KCNK2: variants seen among roughly 807,000 people sequenced by gnomAD.
The protein encoded by KCNK2 is potassium two pore domain channel subfamily K member 2.
A neutral mutation model predicts 40.5 loss-of-function variants in KCNK2; 21 were observed. The observed-to-expected ratio is 0.52, with a 90% CI of 0.37 to 0.75. The LOEUF is 0.75. Ranked by LOEUF, KCNK2 falls within the 30% of genes least tolerant of loss-of-function variation. The pLI is 0.00. For synonymous variants in KCNK2, 191 were observed against 202.2 expected, an observed-to-expected ratio of 0.94 and a Z score of 0.47; for missense variants, 399 against 531.6, an observed-to-expected ratio of 0.75 and a Z score of 2.45.
chr1:215,070,567 G>A (rs1658719123), intron 1 of KCNK2, among the ~76,000 whole-genome samples: 1 of 152,094 alleles, frequency 6.6e-6, no homozygotes, highest in South Asian at 2.1e-4. Context: ...AGCTTGTGCA[G>A]GGGAGCTCCC....
intron 6 of KCNK2, among the ~76,000 whole-genome samples, chr1:215,204,623 A>G (rs1342370559): frequency 6.6e-6 from 1 of 150,668 alleles, no homozygotes; most frequent in African/African-American, 2.4e-5. Context: ...TCTTCAGCAA[A>G]CCAAAGTATT....
chr1:215,039,677 C>T (rs571717888), intron 1 of KCNK2, among the ~76,000 whole-genome samples: 57 of 152,094 alleles, frequency 3.7e-4, no homozygotes, highest in Admixed American at 6.6e-4. Context: ...TTTTAATGGA[C>T]GATTTAAATA....
intron 3 of KCNK2, among the ~76,000 whole-genome samples, chr1:215,157,843 A>G (rs1049980757): frequency 6.6e-6 from 1 of 152,156 alleles, no homozygotes; most frequent in African/African-American, 2.4e-5. Flanking sequence ...TAGTGTCTGT[A>G]TTCATTGGTT....
chr1:215,190,533 G>A (rs1664624680), intron 5 of KCNK2, among the ~76,000 whole-genome samples: 1 of 152,074 alleles, frequency 6.6e-6, no homozygotes, highest in African/African-American at 2.4e-5. Context: ...CCCTTTCTTG[G>A]GTGGCCTGAC....
intron 6 of KCNK2, among the ~76,000 whole-genome samples, chr1:215,213,563 A>T (rs1166526561): frequency 6.6e-6 from 1 of 152,204 alleles, no homozygotes; most frequent in Non-Finnish European, 1.5e-5. Context: ...GTGAGCTGAG[A>T]TCATGCCATT....
intron 3 of KCNK2, among the ~76,000 whole-genome samples, chr1:215,150,468 C>T (rs12146036): frequency 0.082 from 12,403 of 151,984 alleles, 562 homozygotes; most frequent in Middle Eastern, 0.15. Flanking sequence ...TGTAATGATA[C>T]GTTTAAAAAT....
intron 6 of KCNK2, among the ~76,000 whole-genome samples, chr1:215,225,691 C>A (rs1047531581): frequency 6.6e-6 from 1 of 152,130 alleles, no homozygotes; most frequent in African/African-American, 2.4e-5. Context: ...ATGTTGGGTA[C>A]TTTTATGAGG....
chr1:215,074,883 T>G (rs771648347), intron 1 of KCNK2, among the ~76,000 whole-genome samples: 1 of 152,192 alleles, frequency 6.6e-6, no homozygotes, highest in Non-Finnish European at 1.5e-5. Context: ...CACAGCAGAA[T>G]TTCCTCCCGA....
At position 215,089,496 on chromosome 1, in the gene KCNK2, C is replaced by T. The variant is rs193004765; in HGVS notation, c.357+2818C>T. Among the ~76,000 whole-genome samples the T allele has an allele frequency of 1.8e-3, 276 of 152,260 alleles. 1 individual carries two copies. The highest frequency in any genetic ancestry group is 6.2e-3 in the African/African-American group (256 of 41,556). ...GTCTCAGGCATTAGGTTATTAATTA[C>T]TCCTCTGATTGGACTATAGCAACTT... On this transcript the variant is annotated intron_variant, in intron 2 of 6. Coordinates refer to ENST00000444842, the MANE Select transcript of KCNK2 (RefSeq NM_001017425.3).
At chr1:215,147,387 A>G (rs1159339784) in intron 3 of KCNK2, among the ~76,000 whole-genome samples, 1 of 152,240 alleles carries the variant, frequency 6.6e-6, no homozygotes, top group Admixed American at 6.5e-5. Flanking sequence ...GGAACAGTGT[A>G]CGATGTGTGA....
In KCNK2 at chr1:215,059,306, G is replaced by A. The variant is rs192689004; in HGVS notation, c.35-27062G>A. On this transcript the variant is annotated intron_variant, in intron 1 of 6. Coordinates refer to the KCNK2 transcript ENST00000391895. The stretch of plus-strand genomic sequence containing the variant: ...ATCTGAACCTAATTATTACTTTAGT[G>A]AACGCTGCTGAATTAATGATTTAAC... Among the ~76,000 whole-genome samples, 156 of 152,116 alleles carry A rather than the reference G, an allele frequency of 1.0e-3. 1 individual carries two copies. The highest frequency in any genetic ancestry group is 3.6e-3 in the African/African-American group (151 of 41,500).
At chr1:215,147,643 C>T (rs1662486443) in intron 3 of KCNK2, among the ~76,000 whole-genome samples, 1 of 152,028 alleles carries the variant, frequency 6.6e-6, no homozygotes, top group African/African-American at 2.4e-5. Context: ...ACCAGCCTGG[C>T]CAACATGGTG....
chr1:215,202,318 T>C (rs1665114007), intron 6 of KCNK2, among the ~76,000 whole-genome samples: 1 of 152,202 alleles, frequency 6.6e-6, no homozygotes, highest in Non-Finnish European at 1.5e-5. Context: ...CATCTGCTGG[T>C]CAATGTTGGC....
intron 3 of KCNK2, among the ~76,000 whole-genome samples, chr1:215,160,508 T>C (rs1425167091): frequency 6.6e-6 from 1 of 152,190 alleles, no homozygotes. Context: ...CACTGCTCCA[T>C]GGAAATGACC....
rs147436365 is a variant in KCNK2 at position 215,044,747 on chromosome 1, T to C, written c.34+38792T>C. On this transcript the variant is annotated intron_variant, in intron 1 of 6. Coordinates refer to the KCNK2 transcript ENST00000391895. ...AAAGTTGGACCATAATTAGGGATCCTGATGGGCTGTGGTGGTTTTCTATAA... is the reference window on the plus strand; with the variant it reads ...AAAGTTGGACCATAATTAGGGATCCCGATGGGCTGTGGTGGTTTTCTATAA... Among the ~76,000 whole-genome samples the C allele has an allele frequency of 7.4e-3, 1,120 of 152,076 alleles. 21 individuals are homozygous for C. Among genetic ancestry groups the C allele is most frequent in the Admixed American group, 0.042 (647 of 15,290 alleles).
At chr1:215,190,993 G>A (rs1206415549) in intron 5 of KCNK2, among the ~76,000 whole-genome samples, 2 of 146,538 alleles carry the variant, frequency 1.4e-5, no homozygotes, top group Non-Finnish European at 3.0e-5. Context: ...TTTTTTTTAA[G>A]TCTTCTAGGG....
intron 2 of KCNK2, among the ~76,000 whole-genome samples, chr1:215,088,011 A>G (rs1458539115): frequency 6.6e-6 from 1 of 152,196 alleles, no homozygotes; most frequent in African/African-American, 2.4e-5. Context: ...GTTCACTTAT[A>G]TACTGAATTC....
At chr1:215,081,405 C>T (rs544528299), upstream of KCNK2, among the ~76,000 whole-genome samples, 11 of 152,024 alleles carry the variant, frequency 7.2e-5, no homozygotes, top group African/African-American at 1.7e-4. Context: ...TTAGAAAGGA[C>T]ATCTGATTGT....
chr1:215,055,934 A>T (rs77246742), intron 1 of KCNK2, among the ~76,000 whole-genome samples: 7,373 of 152,262 alleles, frequency 0.048, 553 homozygotes, highest in African/African-American at 0.17. Context: ...TGGGCTGCAA[A>T]TCCTAAAGTC....
Sources: allele counts gnomAD v4.1 joint callset (sites outside exome capture counted in the v4.1 genomes callset), GRCh38; gene constraint gnomAD v4.1.1; transcripts MANE v1.5; gene names NCBI Gene and HGNC (gene_info 2026-07-23, HGNC 2026-07-21).